The following EXOC6B variants were observed in gnomAD, a reference collection of about 807,000 sequenced individuals.
EXOC6B encodes the protein exocyst complex component 6B, also known as SEC15 homolog B.
In EXOC6B, 54 loss-of-function variants were observed where a neutral mutation model predicts 113.5. The observed-to-expected ratio is 0.48, with a 90% CI of 0.38 to 0.60. The LOEUF (loss-of-function observed/expected upper bound fraction) is 0.60. Ranked by LOEUF, EXOC6B falls within the 20% of genes least tolerant of loss-of-function variation. The pLI is 0.00. For synonymous variants in EXOC6B, 357 were observed against 339.0 expected, an observed-to-expected ratio of 1.05 and a Z score of -0.58; for missense variants, 797 against 977.5, an observed-to-expected ratio of 0.82 and a Z score of 2.46.
intron 18 of EXOC6B, chr2:72,462,426 T>C (rs1697745410): frequency 6.6e-6 from 1 of 152,148 alleles, no homozygotes; most frequent in Non-Finnish European, 1.5e-5. Flanking sequence ...CTTGCCAAAA[T>C]TCATATTGAA....
chr2:72,258,361 C>CTTTTTTTTTTTTTTTTTTTTTTTTTT (rs967346322), intron 20 of EXOC6B, among the ~76,000 whole-genome samples: 3 of 124,828 alleles, frequency 2.4e-5, no homozygotes, highest in Admixed American at 8.2e-5. Flanking sequence ...TTATCTTTTT[C>CTTTTTTTTTTTTTTTTTTTTTTTTTT]TTTTTTTTTT....
At chr2:72,526,260 G>A (rs745552724) in intron 8 of EXOC6B, among the ~76,000 whole-genome samples, 4 of 151,896 alleles carry the variant, frequency 2.6e-5, no homozygotes, top group Non-Finnish European at 5.9e-5. Flanking sequence ...GGCAGTGAGA[G>A]ATTGTTAATA....
intron 6 of EXOC6B, among the ~76,000 whole-genome samples, chr2:72,622,629 G>A (rs1024934298): frequency 5.3e-5 from 8 of 152,100 alleles, no homozygotes; most frequent in African/African-American, 9.7e-5. Flanking sequence ...AGGATCACTT[G>A]AGCCCAGGAG....
chr2:72,709,478 G>A (rs1171424327), intron 6 of EXOC6B, among the ~76,000 whole-genome samples: 2 of 152,208 alleles, frequency 1.3e-5, no homozygotes, highest in Admixed American at 6.5e-5. Flanking sequence ...GGCAGGGGTC[G>A]AGGGTTGCTG....
chr2:72,506,913 C>A (rs1253275530), intron 11 of EXOC6B, among the ~76,000 whole-genome samples: 2 of 152,026 alleles, frequency 1.3e-5, no homozygotes, highest in Admixed American at 6.6e-5. Context: ...ATTAGCAGAT[C>A]TTTTAATATT....
intron 16 of EXOC6B, among the ~76,000 whole-genome samples, chr2:72,487,049 T>C (rs1443132776): frequency 6.6e-6 from 1 of 152,152 alleles, no homozygotes; most frequent in African/African-American, 2.4e-5. Flanking sequence ...CAGTTTTGTA[T>C]TTATATTTAC....
At chr2:72,627,417 T>A (rs969792487) in intron 6 of EXOC6B, among the ~76,000 whole-genome samples, 2 of 152,212 alleles carry the variant, frequency 1.3e-5, no homozygotes, top group African/African-American at 4.8e-5. Context: ...GCAGAATCTT[T>A]GTAATTTGAC....
At chr2:72,617,051 C>T (rs987808021) in intron 6 of EXOC6B, among the ~76,000 whole-genome samples, 5 of 152,208 alleles carry the variant, frequency 3.3e-5, no homozygotes, top group Admixed American at 6.5e-5. Flanking sequence ...GCTACAGACT[C>T]CATGCAAACA....
At chr2:72,671,767 GAAAGAAAGAA>G (rs1675836585) in intron 6 of EXOC6B, among the ~76,000 whole-genome samples, 1 of 65,324 alleles carries the variant, frequency 1.5e-5, no homozygotes, top group African/African-American at 6.8e-5. Context: ...AAGAAAGAAA[GAAAGAAAGAA>G]AGAAAGAAAG....
intron 6 of EXOC6B, among the ~76,000 whole-genome samples, chr2:72,589,058 A>G (rs955464227): frequency 2.0e-5 from 3 of 151,986 alleles, no homozygotes; most frequent in Non-Finnish European, 4.4e-5. Context: ...GAAGAAAAAA[A>G]CACCAGAAAA....
intron 13 of EXOC6B, among the ~76,000 whole-genome samples, chr2:72,497,553 T>C (rs986906050): frequency 2.0e-5 from 3 of 152,256 alleles, no homozygotes; most frequent in African/African-American, 7.2e-5. Context: ...TCAAATATCC[T>C]ATAGAGATAA....
rs1013788236 is a variant in EXOC6B, at chr2:72,768,413, T to G, written c.114-26944A>C. 1.0e-4 allele frequency among the ~76,000 whole-genome samples: 15 copies of G among 149,834 alleles called. No individual in the cohort carries two copies. In the East Asian group the frequency reaches 2.7e-3, roughly 27 times the overall value. On this transcript the variant is annotated intron_variant, in intron 1 of 21. Transcript: ENST00000272427. ...TTCAAGCCATTCTCTTGCCGCAGCC[T>G]CCCGAGTAGCTGGGATTACAGGCAT...
At chr2:72,814,068 T>C (rs927782232) in intron 1 of EXOC6B, among the ~76,000 whole-genome samples, 3 of 152,176 alleles carry the variant, frequency 2.0e-5, no homozygotes, top group Non-Finnish European at 4.4e-5. Flanking sequence ...CACTACACAA[T>C]ATCATAGTAC....
At chr2:72,624,237 G>GCATGCAC (rs1286291003) in intron 6 of EXOC6B, among the ~76,000 whole-genome samples, 1 of 151,748 alleles carries the variant, frequency 6.6e-6, no homozygotes, top group Non-Finnish European at 1.5e-5. Flanking sequence ...CCATCAACTA[G>GCATGCAC]CATGCACCAC....
chr2:72,824,060 C>T (rs972878290), intron 1 of EXOC6B, among the ~76,000 whole-genome samples: 1 of 151,868 alleles, frequency 6.6e-6, no homozygotes, highest in African/African-American at 2.4e-5. Context: ...TGTGGAAGAA[C>T]TGGTCCAAAA....
chr2:72,619,959 G>C (rs764062399), intron 6 of EXOC6B, among the ~76,000 whole-genome samples: 1 of 152,204 alleles, frequency 6.6e-6, no homozygotes, highest in Non-Finnish European at 1.5e-5. Flanking sequence ...ATATCCCTCT[G>C]GCAGGCACTG....
intron 19 of EXOC6B, among the ~76,000 whole-genome samples, chr2:72,367,877 A>G (rs1020087386): frequency 1.3e-5 from 2 of 152,218 alleles, no homozygotes; most frequent in African/African-American, 4.8e-5. Flanking sequence ...AGAATCATCC[A>G]TTCTAGAGGT....
chr2:72,463,419 T>C (rs1697829336), intron 18 of EXOC6B: 1 of 152,120 alleles, frequency 6.6e-6, no homozygotes, highest in Non-Finnish European at 1.5e-5. Context: ...GGAATAAAAC[T>C]GCAGAGAGGA....
intron 6 of EXOC6B, among the ~76,000 whole-genome samples, chr2:72,595,682 C>T (rs1346684487): frequency 6.6e-6 from 1 of 151,718 alleles, no homozygotes. Flanking sequence ...AGAGAAGTGA[C>T]ACAAATTTTT....
Sources: allele counts gnomAD v4.1 joint callset (sites outside exome capture counted in the v4.1 genomes callset), GRCh38; gene constraint gnomAD v4.1.1; transcripts MANE v1.5; gene names NCBI Gene and HGNC (gene_info 2026-07-23, HGNC 2026-07-21).